GDF5: variants seen among roughly 807,000 people sequenced by gnomAD.
GDF5 encodes the protein growth/differentiation factor 5.
GDF5 carries 17 observed loss-of-function variants against 34.6 expected under a neutral mutation model. The ratio of observed to expected loss-of-function variants is 0.49; its 90% CI spans 0.34 to 0.74. The LOEUF is 0.74. Ranked by LOEUF, GDF5 falls within the 30% of genes least tolerant of loss-of-function variation. GDF5 has a pLI of 0.01. For missense variants in GDF5, 616 were observed against 661.2 expected, an observed-to-expected ratio of 0.93 and a Z score of 0.75; for synonymous variants, 332 against 290.7, an observed-to-expected ratio of 1.14 and a Z score of -1.44.
At position 35,434,683 on chromosome 20, in the gene GDF5, C is replaced by T. The variant is rs1158544506; in HGVS notation, c.732G>A (p.Lys244=). The change falls in exon 2 of 2, where the codon AAG becomes AAA. Residue 244 remains lysine, a synonymous_variant. Transcript: ENST00000374369. ...LLGAELRILR[K]KPSDTAKPAA... ...CTGGCTTGGCCGTGTCCGAGGGCTT[C>T]TTCCGCAAGATCCGCAGCTCGGCCC... 1 of 1,613,118 alleles carries T rather than the reference C, an allele frequency of 6.2e-7. No individual in the cohort carries two copies. The highest frequency in any genetic ancestry group is 1.3e-5 in the African/African-American group (1 of 75,054).
chr20:35,434,335 G>A lies in GDF5; in HGVS notation c.1080C>T (p.Ala360=). The change falls in exon 2 of 2, where the codon GCC becomes GCT. Residue 360 remains alanine, a synonymous_variant. Coordinates refer to ENST00000374369, the MANE Select transcript of GDF5 (RefSeq NM_000557.5). Reference sequence around the variant, plus strand: ...CGGTCTTATCGTCCTGGCCAGAGCGGGCCTTAATCTCATTAAAGAACAGGT... The same window carrying A: ...CGGTCTTATCGTCCTGGCCAGAGCGAGCCTTAATCTCATTAAAGAACAGGT... ...KRDLFFNEIK[A]RSGQDDKTVY... 6.2e-7 allele frequency: 1 copy of A among 1,613,960 alleles called. No individual in the cohort carries two copies. Among genetic ancestry groups the A allele is most frequent in the Non-Finnish European group, 8.5e-7 (1 of 1,180,030 alleles).
At chr20:35,440,499 C>G (rs552733030), upstream of GDF5, among the ~76,000 whole-genome samples, 10 of 152,134 alleles carry the variant, frequency 6.6e-5, no homozygotes, top group African/African-American at 1.9e-4. Flanking sequence ...CCTCCAGGCT[C>G]TCTCTGGTTC....
At chr20:35,439,854 T>C, upstream of GDF5, among the ~76,000 whole-genome samples, 1 of 151,610 alleles carries the variant, frequency 6.6e-6, no homozygotes, top group East Asian at 1.9e-4. Context: ...AACAACACTT[T>C]TCACGCTGTA....
rs28936683 is a variant in GDF5, at chr20:35,434,093, A to G, written c.1322T>C (p.Leu441Pro). The change falls in exon 2 of 2, where the codon CTG (leucine) becomes CCG (proline). Residue 441 changes from leucine to proline, a missense_variant. By Grantham distance (98) the Leu-to-Pro change is moderately conservative (BLOSUM62 -3). Transcript: ENST00000374369. The stretch of plus-strand genomic sequence containing the variant: ...GATGACTGCATGATTCGTGGGCTCC[A>G]GGTGGGAGCGCAATGGGAACTCGCA... ...GLCEFPLRSH[L>P]EPTNHAVIQT... 1.2e-6 allele frequency: 2 copies of G among 1,614,004 alleles called. No individual in the cohort carries two copies. Among genetic ancestry groups the G allele is most frequent in the Non-Finnish European group, 1.7e-6 (2 of 1,179,956 alleles).
intron 1 of GDF5, among the ~76,000 whole-genome samples, chr20:35,436,332 C>G (rs1206913562): frequency 1.3e-5 from 2 of 151,946 alleles, no homozygotes; most frequent in East Asian, 3.9e-4. Flanking sequence ...CTCCCCCGCC[C>G]CCTGGCAGCC....
At chr20:35,454,371 T>C (rs1402112244) in intron 1 of GDF5, among the ~76,000 whole-genome samples, 1 of 151,970 alleles carries the variant, frequency 6.6e-6, no homozygotes, top group Non-Finnish European at 1.5e-5. Flanking sequence ...GGAGAATTAC[T>C]TGAACCTGGG....
chr20:35,434,687 C>G lies in GDF5; in HGVS notation c.728G>C (p.Arg243Pro). Reference protein sequence around the residue: ...GLLGAELRILRKKPSDTAKPA... With the variant: ...GLLGAELRILPKKPSDTAKPA... ...CTTGGCCGTGTCCGAGGGCTTCTTC[C>G]GCAAGATCCGCAGCTCGGCCCCCAG... Residue 243 changes from arginine (R) to proline (P), a missense_variant, in exon 2 of 2, where the codon CGG becomes CCG. Coordinates refer to ENST00000374369, the MANE Select transcript of GDF5 (RefSeq NM_000557.5). The G allele has an allele frequency of 1.2e-6, 2 of 1,612,882 alleles. No homozygotes were observed. Among genetic ancestry groups the G allele is most frequent in the Non-Finnish European group, 1.7e-6 (2 of 1,179,668 alleles).
chr20:35,443,616 A>G (rs897873085), intron 1 of GDF5, among the ~76,000 whole-genome samples: 9 of 151,940 alleles, frequency 5.9e-5, no homozygotes, highest in Admixed American at 2.0e-4. Flanking sequence ...GGTTCGAGCG[A>G]TTCTCCTGTC....
chr20:35,452,044 G>C (rs2062535515), intron 1 of GDF5, among the ~76,000 whole-genome samples: 1 of 152,150 alleles, frequency 6.6e-6, no homozygotes, highest in Non-Finnish European at 1.5e-5. Flanking sequence ...TCTCATAGGA[G>C]GCAAATCTTA....
In GDF5 at chr20:35,437,671, C is replaced by T; in HGVS notation, c.258G>A (p.Leu86=). The T allele has an allele frequency of 6.2e-7, 1 of 1,614,124 alleles. No homozygotes were observed. The highest frequency in any genetic ancestry group is 1.6e-4 in the Middle Eastern group (1 of 6,062). Residue 86 remains leucine, a synonymous_variant, in exon 1 of 2, where the codon CTG becomes CTA. Coordinates refer to ENST00000374369, the MANE Select transcript of GDF5 (RefSeq NM_000557.5). Reference sequence around the variant, plus strand: ...TGGGTTCATCCTTCTTGGGCTGTGTCAGGCCTCCTGTCTGCCCGGTGCCTC... The same window carrying T: ...TGGGTTCATCCTTCTTGGGCTGTGTTAGGCCTCCTGTCTGCCCGGTGCCTC... The part of the protein sequence containing the change: ...AKGGTGQTGG[L]TQPKKDEPKK...
chr20:35,435,467 A>T (rs2062468087), intron 1 of GDF5: 1 of 33,706 alleles, frequency 3.0e-5, no homozygotes, highest in Non-Finnish European at 5.5e-5. Flanking sequence ...AAAAAAAAAA[A>T]AAAAAAAAAA....
At chr20:35,448,316 G>C (rs2062519951) in intron 1 of GDF5, among the ~76,000 whole-genome samples, 1 of 151,108 alleles carries the variant, frequency 6.6e-6, no homozygotes, top group African/African-American at 2.4e-5. Flanking sequence ...GAAAGGGAAA[G>C]AGGGTTGCTC....
chr20:35,443,209 T>C (rs566469776), upstream of GDF5, among the ~76,000 whole-genome samples: 29 of 152,286 alleles, frequency 1.9e-4, no homozygotes, highest in South Asian at 5.8e-3. Context: ...CTAATCACTT[T>C]GGTTCCCTCT....
At chr20:35,453,032 G>A (rs1267936787) in intron 1 of GDF5, among the ~76,000 whole-genome samples, 4 of 152,028 alleles carry the variant, frequency 2.6e-5, no homozygotes, top group Non-Finnish European at 5.9e-5. Context: ...GGCGGATCAC[G>A]AGGTCAGGAG....
intron 1 of GDF5, among the ~76,000 whole-genome samples, chr20:35,436,019 T>C (rs900694567): frequency 1.1e-4 from 17 of 152,148 alleles, no homozygotes; most frequent in African/African-American, 3.9e-4. Context: ...CATGTACATG[T>C]GTGATTCAGC....
intron 1 of GDF5, among the ~76,000 whole-genome samples, chr20:35,435,897 C>T (rs2062470429): frequency 6.6e-6 from 1 of 152,068 alleles, no homozygotes; most frequent in South Asian, 2.1e-4. Flanking sequence ...TCTGTATATG[C>T]ATGATTGATC....
rs539891489 is a variant in GDF5, at chr20:35,449,966, G to A, written c.-398+4674C>T. ...ATCAAATCACTGCACTCCAACCTGA[G>A]TGAAAGAGCAAAACCCTGTCTCTTA... On this transcript the variant is annotated intron_variant, in intron 1 of 3. Transcript: ENST00000374372. 1.3e-4 allele frequency among the ~76,000 whole-genome samples: 20 copies of A among 151,118 alleles called. No individual in the cohort carries two copies. The South Asian group carries it at 3.8e-3, about 28-fold the overall frequency.
intron 1 of GDF5, among the ~76,000 whole-genome samples, chr20:35,448,382 AC>A (rs2062520116): frequency 7.7e-6 from 1 of 130,076 alleles, no homozygotes; most frequent in Admixed American, 8.3e-5. Context: ...TGGCTACGGG[AC>A]TTTTTGTTTT....
At chr20:35,438,824 C>CGTGCGTGTGTGTGT (rs1555823679), upstream of GDF5, among the ~76,000 whole-genome samples, 4 of 126,406 alleles carry the variant, frequency 3.2e-5, no homozygotes, top group East Asian at 2.6e-4. Context: ...ATTTGTTATG[C>CGTGCGTGTGTGTGT]GTGTGTGTGT....
Sources: gnomAD v4.1 joint callset for allele counts (sites outside exome capture counted in the v4.1 genomes callset) on GRCh38, gnomAD v4.1.1 for gene constraint, MANE v1.5 for transcripts, NCBI Gene and HGNC (gene_info 2026-07-23, HGNC 2026-07-21) for gene names.